Variants in DLGAP1 observed in about 807,000 individuals in gnomAD.
DLGAP1 encodes DLG associated protein 1, also known as disks large-associated protein 1.
A neutral mutation model predicts 90.8 loss-of-function variants in DLGAP1; 11 were observed. The observed-to-expected ratio is 0.12, with a 90% CI of 0.08 to 0.20. The LOEUF is 0.20. Ranked by LOEUF, DLGAP1 falls within the 10% of genes least tolerant of loss-of-function variation. The pLI is 1.00. For missense variants in DLGAP1, 1,050 were observed against 1,333.8 expected (o/e 0.79, Z 3.31); for synonymous variants, 558 against 540.7 (o/e 1.03, Z -0.44).
intron 3 of DLGAP1, among the ~76,000 whole-genome samples, chr18:3,898,865 C>T (rs2071718962): frequency 6.6e-6 from 1 of 151,652 alleles, no homozygotes; most frequent in Non-Finnish European, 1.5e-5. Context: ...GAGACATGTA[C>T]ATAGGCTGAC....
At chr18:4,174,771 C>T (rs1406449728) in intron 1 of DLGAP1, among the ~76,000 whole-genome samples, 1 of 152,198 alleles carries the variant, frequency 6.6e-6, no homozygotes. Context: ...ACCTGCCACC[C>T]CCCAACTGGC....
chr18:3,737,437 G>T (rs557735204), intron 6 of DLGAP1, among the ~76,000 whole-genome samples: 8,361 of 135,502 alleles, frequency 0.062, 796 homozygotes, highest in African/African-American at 0.22. Flanking sequence ...GATCAAGTGG[G>T]CTTCATCCCT....
intron 7 of DLGAP1, among the ~76,000 whole-genome samples, chr18:3,611,459 C>T (rs189474378): frequency 1.6e-3 from 243 of 152,328 alleles, no homozygotes; most frequent in African/African-American, 5.5e-3. Context: ...AGCCTTCCAA[C>T]GGCAGCTGTC....
At chr18:3,626,518 TG>T (rs746260865) in intron 7 of DLGAP1, among the ~76,000 whole-genome samples, 2 of 143,808 alleles carry the variant, frequency 1.4e-5, no homozygotes, top group Non-Finnish European at 1.5e-5. Flanking sequence ...CACTTGAATG[TG>T]GGGGGTCAAG....
intron 3 of DLGAP1, among the ~76,000 whole-genome samples, chr18:3,937,693 C>A (rs968238975): frequency 6.6e-6 from 1 of 152,176 alleles, no homozygotes. Flanking sequence ...GAGTTTATCA[C>A]AAAATTTATG....
chr18:4,151,888 G>C (rs1170597792), intron 1 of DLGAP1, among the ~76,000 whole-genome samples: 1 of 152,158 alleles, frequency 6.6e-6, no homozygotes, highest in Non-Finnish European at 1.5e-5. Context: ...ATGATGGGTT[G>C]ATGGGTGCAG....
chr18:3,741,847 C>CTT (rs200079832), intron 6 of DLGAP1, among the ~76,000 whole-genome samples: 1 of 142,604 alleles, frequency 7.0e-6, no homozygotes, highest in African/African-American at 3.0e-5. Flanking sequence ...TTTTCTTTTT[C>CTT]TTTTTTTTTA....
At chr18:3,505,385 T>A (rs1001373928) in intron 11 of DLGAP1, among the ~76,000 whole-genome samples, 7 of 152,080 alleles carry the variant, frequency 4.6e-5, no homozygotes, top group Non-Finnish European at 1.0e-4. Context: ...ATGCCTATAA[T>A]CCCAGCACTT....
intron 1 of DLGAP1, among the ~76,000 whole-genome samples, chr18:4,288,065 A>ATTTT (rs1300158781): frequency 0.1 from 71 of 688 alleles, no homozygotes; most frequent in African/African-American, 0.17. Flanking sequence ...CAGCTTGACA[A>ATTTT]ATTTTTTATT....
At chr18:4,145,719 C>T (rs980520354) in intron 2 of DLGAP1, among the ~76,000 whole-genome samples, 7 of 151,884 alleles carry the variant, frequency 4.6e-5, no homozygotes, top group East Asian at 3.8e-4. Context: ...TTTTGGAGAA[C>T]GAGAAGAAAA....
intron 3 of DLGAP1, among the ~76,000 whole-genome samples, chr18:3,996,360 A>G (rs1030722041): frequency 6.6e-6 from 1 of 152,064 alleles, no homozygotes; most frequent in African/African-American, 2.4e-5. Flanking sequence ...CACTGATTTA[A>G]ATTTTAAAAC....
chr18:4,297,762 A>ATC lies in DLGAP1; in HGVS notation c.-266-146477_-266-146476dup, dbSNP rs532152812. Among the ~76,000 whole-genome samples, 65 of 151,362 alleles carry ATC rather than the reference A, an allele frequency of 4.3e-4. 2 individuals carry two copies. The South Asian group carries it at 0.011, about 26-fold the overall frequency. ...ATTAATTTCTCCTCTCTCTCTCTCA[A>ATC]TCTCTCTCTCTCTCTTTCTCTATCT... On this transcript the variant is annotated intron_variant, in intron 1 of 12. Coordinates refer to ENST00000315677, the MANE Select transcript of DLGAP1 (RefSeq NM_004746.4).
In DLGAP1 at chr18:3,508,648, G is replaced by A; in HGVS notation, c.2493C>T (p.Ile831=). ...NNLPEDILGK[I]RTAVGSAQLL... ...GTTGGGCACTGCCCACTGCGGTTCG[G>A]ATTTTTCCTAGAACTGGAAAGAGCA... is the stretch of plus-strand genomic sequence containing the variant. Residue 831 remains isoleucine, a synonymous_variant, in exon 11 of 13, where the codon ATC becomes ATT. Coordinates refer to ENST00000315677, the MANE Select transcript of DLGAP1 (RefSeq NM_004746.4). The A allele has an allele frequency of 6.2e-7, 1 of 1,613,834 alleles. No homozygotes were observed. Among genetic ancestry groups the A allele is most frequent in the South Asian group, 1.1e-5 (1 of 91,030 alleles).
intron 7 of DLGAP1, among the ~76,000 whole-genome samples, chr18:3,719,083 C>G (rs565226377): frequency 6.6e-6 from 1 of 152,064 alleles, no homozygotes; most frequent in South Asian, 2.1e-4. Context: ...TGTGATGTAA[C>G]TCTTCATGTA....
chr18:3,689,170 T>G (rs886961708), intron 7 of DLGAP1, among the ~76,000 whole-genome samples: 1 of 152,226 alleles, frequency 6.6e-6, no homozygotes, highest in Admixed American at 6.5e-5. Context: ...TTTATTGTAT[T>G]ACTTGCAATG....
chr18:3,847,882 T>G (rs1481248123), intron 4 of DLGAP1, among the ~76,000 whole-genome samples: 1 of 152,016 alleles, frequency 6.6e-6, no homozygotes, highest in Non-Finnish European at 1.5e-5. Flanking sequence ...CCAGGCACGG[T>G]GTCTCACTTC....
intron 3 of DLGAP1, among the ~76,000 whole-genome samples, chr18:3,933,484 A>C (rs1278004807): frequency 6.6e-6 from 1 of 152,230 alleles, no homozygotes; most frequent in Non-Finnish European, 1.5e-5. Context: ...TTAGAAATCA[A>C]GTTTGATGGA....
intron 1 of DLGAP1, among the ~76,000 whole-genome samples, chr18:4,180,945 G>A (rs1202599802): frequency 6.6e-6 from 1 of 152,148 alleles, no homozygotes; most frequent in Non-Finnish European, 1.5e-5. Flanking sequence ...GATCAGTCAG[G>A]AAGCTGCTCA....
intron 3 of DLGAP1, among the ~76,000 whole-genome samples, chr18:3,950,385 T>C (rs190138534): frequency 5.5e-4 from 84 of 152,336 alleles, no homozygotes; most frequent in Admixed American, 2.5e-3. Context: ...AAATCCCCTC[T>C]GGAACAACAG....
Sources: allele counts gnomAD v4.1 joint callset (sites outside exome capture counted in the v4.1 genomes callset), GRCh38; gene constraint gnomAD v4.1.1; transcripts MANE v1.5; gene names NCBI Gene and HGNC (gene_info 2026-07-23, HGNC 2026-07-21).